TNIK: variants seen among roughly 807,000 people sequenced by gnomAD.
TNIK encodes the protein TRAF2 and NCK-interacting protein kinase.
TNIK carries 49 observed loss-of-function variants against 191.3 expected under a neutral mutation model. The observed-to-expected ratio is 0.26, with a 90% CI of 0.20 to 0.32. The LOEUF (loss-of-function observed/expected upper bound fraction) is 0.32, where lower values mean the gene tolerates loss of function less well. Ranked by LOEUF, TNIK falls within the 10% of genes least tolerant of loss-of-function variation. TNIK has a pLI of 1.00. For synonymous variants in TNIK, 594 were observed against 600.9 expected, an observed-to-expected ratio of 0.99 and a Z score of 0.17; for missense variants, 1,155 against 1,702.3, an observed-to-expected ratio of 0.68 and a Z score of 5.66.
intron 3 of TNIK, among the ~76,000 whole-genome samples, chr3:171,219,287 G>C (rs2108950908): frequency 7.1e-6 from 1 of 140,330 alleles, no homozygotes; most frequent in East Asian, 2.0e-4. Flanking sequence ...TATATATAAT[G>C]ATATATATCA....
At chr3:171,202,329 CA>C (rs1033435468) in intron 4 of TNIK, among the ~76,000 whole-genome samples, 2 of 151,894 alleles carry the variant, frequency 1.3e-5, no homozygotes, top group Admixed American at 1.3e-4. Flanking sequence ...ATGTTACACC[CA>C]AATAGAAGAA....
At chr3:171,182,749 G>A (rs1056176693) in intron 7 of TNIK, among the ~76,000 whole-genome samples, 1 of 152,166 alleles carries the variant, frequency 6.6e-6, no homozygotes, top group African/African-American at 2.4e-5. Context: ...ACACAGTGAA[G>A]AAAAGCAACA....
At position 171,203,352 on chromosome 3, in the gene TNIK, C is replaced by T. The variant is rs143019809; in HGVS notation, c.306+7764G>A. Among the ~76,000 whole-genome samples, 933 of 152,216 alleles carry T rather than the reference C, an allele frequency of 6.1e-3. 8 individuals are homozygous for T. Among genetic ancestry groups the T allele is most frequent in the Admixed American group, 9.2e-3 (140 of 15,284 alleles). ...TTCATCCCAGTATCTTATTCTGAGA[C>T]GATCTTACACAGGGGCTGGGCAAGT... is the stretch of plus-strand genomic sequence containing the variant. On this transcript the variant is annotated intron_variant, in intron 4 of 32. Coordinates refer to ENST00000436636, the MANE Select transcript of TNIK (RefSeq NM_015028.4).
chr3:171,130,271 C>A (rs962532843), intron 15 of TNIK, among the ~76,000 whole-genome samples: 9 of 152,204 alleles, frequency 5.9e-5, no homozygotes, highest in African/African-American at 2.2e-4. Flanking sequence ...ACTAACCTCA[C>A]ATATTTTAAC....
At chr3:171,329,370 A>T (rs1164237840) in intron 2 of TNIK, among the ~76,000 whole-genome samples, 1 of 152,098 alleles carries the variant, frequency 6.6e-6, no homozygotes, top group South Asian at 2.1e-4. Flanking sequence ...AAAAATATAT[A>T]TTTTTAAATC....
At chr3:171,084,927 G>GA (rs1369668602) in intron 25 of TNIK, among the ~76,000 whole-genome samples, 191 bp downstream of exon 25, 8 of 151,548 alleles carry the variant, frequency 5.3e-5, no homozygotes, top group Non-Finnish European at 8.8e-5. Flanking sequence ...GAAGAGATGG[G>GA]AAAAAAAATG....
chr3:171,299,191 C>G (rs1301761247), intron 2 of TNIK, among the ~76,000 whole-genome samples: 1 of 152,174 alleles, frequency 6.6e-6, no homozygotes, highest in Non-Finnish European at 1.5e-5. Flanking sequence ...AAACCCCCTT[C>G]CCCTTAGGGC....
chr3:171,242,846 A>G (rs1745149663), intron 2 of TNIK, among the ~76,000 whole-genome samples: 1 of 152,202 alleles, frequency 6.6e-6, no homozygotes, highest in Admixed American at 6.5e-5. Context: ...TGATGCTTTA[A>G]AAGATTGAAT....
At chr3:171,411,566 C>T (rs1399571609) in intron 1 of TNIK, among the ~76,000 whole-genome samples, 1 of 151,872 alleles carries the variant, frequency 6.6e-6, no homozygotes, top group East Asian at 1.9e-4. Context: ...CACCGAAAGA[C>T]TTCATGGCTC....
intron 18 of TNIK, among the ~76,000 whole-genome samples, chr3:171,113,992 T>G (rs1726282037): frequency 1.5e-5 from 1 of 68,742 alleles, no homozygotes. Context: ...GATTTTACGA[T>G]TTTGTTAAAA....
intron 2 of TNIK, among the ~76,000 whole-genome samples, chr3:171,327,926 A>AAAAAAAAAAAAAAAC: frequency 8.1e-6 from 1 of 123,654 alleles, no homozygotes; most frequent in Non-Finnish European, 1.7e-5. Context: ...AAAAAAAAAA[A>AAAAAAAAAAAAAAAC]AAAAATCACT....
intron 2 of TNIK, among the ~76,000 whole-genome samples, chr3:171,352,466 T>C (rs1713372127): frequency 6.6e-6 from 1 of 152,184 alleles, no homozygotes. Flanking sequence ...AACTGATAAT[T>C]TCAGATTTTC....
At chr3:171,357,280 C>T (rs1411545474) in intron 2 of TNIK, among the ~76,000 whole-genome samples, 1 of 151,762 alleles carries the variant, frequency 6.6e-6, no homozygotes, top group East Asian at 1.9e-4. Context: ...GCATTCCAAA[C>T]TCAGCAGAAT....
In TNIK at chr3:171,209,457, T is replaced by A. The variant is rs147305278; in HGVS notation, c.306+1659A>T. 2.0e-3 allele frequency among the ~76,000 whole-genome samples: 305 copies of A among 152,258 alleles called. 1 individual carries two copies. The highest frequency in any genetic ancestry group is 3.1e-3 in the Non-Finnish European group (209 of 68,004). On this transcript the variant is annotated intron_variant, in intron 4 of 32. Transcript: ENST00000436636. ...TACTTAGTTATTTGCATTTTTACTT[T>A]ATGTTTTTTGTTAAGAAGACATTTA...
chr3:171,408,913 G>A lies in TNIK; in HGVS notation c.58-39228C>T, dbSNP rs138526172. 2.3e-4 allele frequency among the ~76,000 whole-genome samples: 35 copies of A among 152,164 alleles called. No homozygotes were observed. The South Asian group carries it at 4.2e-3, about 18-fold the overall frequency. On this transcript the variant is annotated intron_variant, in intron 1 of 32. Coordinates refer to ENST00000436636, the MANE Select transcript of TNIK (RefSeq NM_015028.4). ...TAGTGCCAATCGGTACACCTCACTC[G>A]CAACTGCACATCAGGGAATAAGAGT...
chr3:171,435,528 A>T (rs554867872), intron 1 of TNIK, among the ~76,000 whole-genome samples: 1 of 152,344 alleles, frequency 6.6e-6, no homozygotes, highest in Admixed American at 6.5e-5. Flanking sequence ...ACATATTATC[A>T]AGTTAAGAAA....
chr3:171,449,411 G>A (rs1431026728), intron 1 of TNIK, among the ~76,000 whole-genome samples: 1 of 152,162 alleles, frequency 6.6e-6, no homozygotes, highest in African/African-American at 2.4e-5. Context: ...CCCAGCATCT[G>A]TTGTTTCCTG....
At chr3:171,411,099 C>T (rs1283072239) in intron 1 of TNIK, among the ~76,000 whole-genome samples, 7 of 151,112 alleles carry the variant, frequency 4.6e-5, no homozygotes, top group South Asian at 2.1e-4. Flanking sequence ...CAGGGCCTCA[C>T]GCTGTGTCAC....
intron 1 of TNIK, among the ~76,000 whole-genome samples, chr3:171,433,937 CTTTTTTTTTTTTT>C (rs67036993): frequency 2.4e-4 from 17 of 71,118 alleles, no homozygotes; most frequent in African/African-American, 9.7e-4. Flanking sequence ...TTTCTTTTTC[CTTTTTTTTTTTTT>C]TTTTTTTTTT....
Sources: allele counts gnomAD v4.1 joint callset (sites outside exome capture counted in the v4.1 genomes callset), GRCh38; gene constraint gnomAD v4.1.1; transcripts MANE v1.5; gene names NCBI Gene and HGNC (gene_info 2026-07-23, HGNC 2026-07-21).